Variants in ANTXR1 observed in about 807,000 individuals in gnomAD.
The protein encoded by ANTXR1 is anthrax toxin receptor 1.
A neutral mutation model predicts 78.1 loss-of-function variants in ANTXR1; 19 were observed. That is an observed-to-expected ratio of 0.24 (90% CI 0.17 to 0.36). ANTXR1 has a LOEUF of 0.36. Ranked by LOEUF, ANTXR1 falls within the 10% of genes least tolerant of loss-of-function variation. The probability of loss-of-function intolerance (pLI) is 1.00; values close to 1 mark genes in which losing one functional copy is unlikely to be tolerated. For synonymous variants in ANTXR1, 273 were observed against 260.5 expected, an observed-to-expected ratio of 1.05 and a Z score of -0.46; for missense variants, 518 against 718.6, an observed-to-expected ratio of 0.72 and a Z score of 3.19.
intron 16 of ANTXR1, among the ~76,000 whole-genome samples, chr2:69,184,413 C>A (rs1674369525): frequency 6.6e-6 from 1 of 152,154 alleles, no homozygotes; most frequent in South Asian, 2.1e-4. Flanking sequence ...TAATTATTTT[C>A]TAATGAAGAA....
intron 16 of ANTXR1, among the ~76,000 whole-genome samples, chr2:69,183,396 T>C (rs552849620): frequency 1.3e-5 from 2 of 152,126 alleles, no homozygotes; most frequent in South Asian, 2.1e-4. Flanking sequence ...AGGCCTCTTT[T>C]TTATTTTCTA....
chr2:69,108,842 A>G (rs1360850172), intron 10 of ANTXR1, among the ~76,000 whole-genome samples: 2 of 152,184 alleles, frequency 1.3e-5, no homozygotes, highest in African/African-American at 4.8e-5. Context: ...GTATATATAC[A>G]TTTTCTTTAT....
chr2:69,019,060 G>T (rs753097854), intron 1 of ANTXR1, among the ~76,000 whole-genome samples: 2 of 152,210 alleles, frequency 1.3e-5, no homozygotes, highest in East Asian at 3.9e-4. Flanking sequence ...TGATAAATTC[G>T]TAATTTGTTC....
chr2:69,051,343 A>C (rs1000615334), intron 3 of ANTXR1, among the ~76,000 whole-genome samples: 1 of 152,100 alleles, frequency 6.6e-6, no homozygotes, highest in Non-Finnish European at 1.5e-5. Flanking sequence ...TAACAGTATA[A>C]ATTGTACTTT....
At chr2:69,160,098 C>G (rs1481870857) in intron 13 of ANTXR1, among the ~76,000 whole-genome samples, 2 of 152,192 alleles carry the variant, frequency 1.3e-5, no homozygotes, top group Non-Finnish European at 2.9e-5. Flanking sequence ...CTTCTTGATC[C>G]TGTTCCAGCC....
At chr2:69,108,890 C>G (rs1671892949) in intron 10 of ANTXR1, among the ~76,000 whole-genome samples, 2 of 152,044 alleles carry the variant, frequency 1.3e-5, no homozygotes, top group Admixed American at 1.3e-4. Flanking sequence ...TAAAATGTAA[C>G]AAGAACTAAT....
chr2:69,236,954 T>A (rs996259761), intron 17 of ANTXR1, among the ~76,000 whole-genome samples: 29 of 152,238 alleles, frequency 1.9e-4, no homozygotes, highest in African/African-American at 6.5e-4. Flanking sequence ...AATGCTATAA[T>A]TTAACATTCC....
intron 13 of ANTXR1, among the ~76,000 whole-genome samples, chr2:69,160,293 AC>A (rs1340650647): frequency 1.3e-5 from 2 of 151,188 alleles, no homozygotes; most frequent in Non-Finnish European, 2.9e-5. Context: ...ATAACCCCCA[AC>A]CCCCATGCTT....
intron 12 of ANTXR1, among the ~76,000 whole-genome samples, chr2:69,143,904 G>T (rs1203494774): frequency 1.3e-5 from 2 of 152,168 alleles, no homozygotes; most frequent in Non-Finnish European, 2.9e-5. Context: ...TCAAAAACAT[G>T]CAGGGCAGAG....
intron 12 of ANTXR1, chr2:69,145,208 C>G: frequency 1.0e-6 from 1 of 999,078 alleles, no homozygotes. Context: ...TTACGGGGGG[C>G]TGATTCGCTT....
chr2:69,246,593 G>A lies in ANTXR1; in HGVS notation c.*1108G>A, dbSNP rs930540250. 2.6e-5 allele frequency: 4 copies of A among 152,120 alleles called. No individual in the cohort carries two copies. Among genetic ancestry groups the A allele is most frequent in the African/African-American group, 9.7e-5 (4 of 41,410 alleles). 9.4% of individuals were successfully genotyped at this position (152,120 alleles called of 1,614,324 possible). On this transcript the variant is annotated 3_prime_UTR_variant, in exon 18 of 18. Coordinates refer to ENST00000303714, the MANE Select transcript of ANTXR1 (RefSeq NM_032208.3). ...TGATTAACCCCCATAAGGCATGTGT[G>A]TGTATACAAATATACTTCTCTTTGG... is the stretch of plus-strand genomic sequence containing the variant.
chr2:69,025,012 A>G (rs943928258), intron 1 of ANTXR1, among the ~76,000 whole-genome samples: 7 of 152,156 alleles, frequency 4.6e-5, no homozygotes, highest in African/African-American at 1.7e-4. Context: ...GTCACTATGC[A>G]TTTCCAAAAC....
intron 9 of ANTXR1, among the ~76,000 whole-genome samples, chr2:69,096,674 T>C (rs1352672598): frequency 6.6e-6 from 1 of 152,208 alleles, no homozygotes; most frequent in African/African-American, 2.4e-5. Flanking sequence ...TTTTTTAACT[T>C]AAATTTATTG....
chr2:69,106,933 G>T (rs1671826528), intron 10 of ANTXR1, among the ~76,000 whole-genome samples: 1 of 152,216 alleles, frequency 6.6e-6, no homozygotes, highest in South Asian at 2.1e-4. Context: ...GTGAAGACAT[G>T]AAACAGATCA....
chr2:69,192,909 G>A (rs181159150), intron 16 of ANTXR1, among the ~76,000 whole-genome samples: 66 of 151,574 alleles, frequency 4.4e-4, no homozygotes, highest in African/African-American at 1.2e-3. Flanking sequence ...AACACTTAAC[G>A]TTTAGTAATT....
chr2:69,154,410 T>G (rs563673195), intron 13 of ANTXR1, among the ~76,000 whole-genome samples: 33 of 152,286 alleles, frequency 2.2e-4, no homozygotes, highest in African/African-American at 7.7e-4. Flanking sequence ...GCTGATCACT[T>G]GCTTCCTTGA....
In ANTXR1 at chr2:69,069,825, T is replaced by C. The variant is rs563680679; in HGVS notation, c.297-822T>C. ...CAATTTAAATAGAGCATCTCCACCC[T>C]GTACCACTAAAAAGACCCCAGCAGG... On this transcript the variant is annotated intron_variant, in intron 3 of 17. Coordinates refer to ENST00000303714, the MANE Select transcript of ANTXR1 (RefSeq NM_032208.3). Among the ~76,000 whole-genome samples the C allele has an allele frequency of 1.1e-3, 169 of 152,318 alleles. 1 individual carries two copies. The Middle Eastern group carries it at 0.02, about 18-fold the overall frequency.
In ANTXR1 at chr2:69,071,719, T is replaced by C. The variant is rs766510655; in HGVS notation, c.379-35T>C. ...TGGTTTTTGGAGTGACAAACAGTGG[T>C]TATAAGTCTAAGGGCTCTTTCATAT... On this transcript the variant is annotated intron_variant, in intron 4 of 17. Transcript: ENST00000303714. The C allele has an allele frequency of 7.4e-6, 12 of 1,612,334 alleles. No homozygotes were observed. The African/African-American group carries it at 9.3e-5, about 13-fold the overall frequency.
chr2:69,072,909 C>G (rs1466027121), intron 5 of ANTXR1, 113 bp from the exon 6 acceptor site: 1 of 1,072,774 alleles, frequency 9.3e-7, no homozygotes, highest in African/African-American at 1.6e-5. Flanking sequence ...TGGTGATTCT[C>G]ACAATATTGA....
Sources: gnomAD v4.1 joint callset for allele counts (sites outside exome capture counted in the v4.1 genomes callset) on GRCh38, gnomAD v4.1.1 for gene constraint, MANE v1.5 for transcripts, NCBI Gene and HGNC (gene_info 2026-07-23, HGNC 2026-07-21) for gene names.